The following IGSF5 variants were observed in gnomAD, a reference collection of about 807,000 sequenced individuals.
The protein encoded by IGSF5 is immunoglobulin superfamily member 5, also known as immunoglobulin superfamily 5 like.
IGSF5 carries 41 observed loss-of-function variants against 39.4 expected under a neutral mutation model. That is an observed-to-expected ratio of 1.04 (90% CI 0.81 to 1.35). The LOEUF (loss-of-function observed/expected upper bound fraction) is 1.35. Among genes scored for constraint, IGSF5 ranks in the 40% most tolerant of loss-of-function variants. The pLI is 0.00. For synonymous variants in IGSF5, 183 were observed against 175.3 expected (o/e 1.04, Z -0.34); for missense variants, 487 against 494.6 (o/e 0.98, Z 0.15).
chr21:39,787,196 C>G (rs547773310), intron 5 of IGSF5, among the ~76,000 whole-genome samples: 1 of 152,116 alleles, frequency 6.6e-6, no homozygotes, highest in Middle Eastern at 3.2e-3. Flanking sequence ...ACGCTGGTGG[C>G]GTTGGAGGCA....
chr21:39,746,094 A>T, intron 1 of IGSF5, 122 bp from the exon 2 acceptor site: 1 of 677,534 alleles, frequency 1.5e-6, no homozygotes, highest in Non-Finnish European at 2.7e-6. Flanking sequence ...ATGGGAGAGA[A>T]CCATGGAAGC....
chr21:39,779,353 T>C, intron 5 of IGSF5, 48 bp downstream of exon 5: 11 of 1,588,486 alleles, frequency 6.9e-6, no homozygotes, highest in Non-Finnish European at 9.4e-6. Context: ...GAACTTTTGG[T>C]ACAAGCAGTT....
chr21:39,735,038 AT>A, the IGSF5 span, among the ~76,000 whole-genome samples: 1 of 151,746 alleles, frequency 6.6e-6, no homozygotes, highest in African/African-American at 2.4e-5. Context: ...TAATTTTTGT[AT>A]TTTTAGTAGA....
chr21:39,780,764 G>A (rs565475703), intron 5 of IGSF5, among the ~76,000 whole-genome samples: 13 of 152,302 alleles, frequency 8.5e-5, no homozygotes, highest in South Asian at 2.1e-4. Flanking sequence ...TGGGCTTGTC[G>A]TAGCATTAGG....
chr21:39,761,737 T>C (rs959503630), intron 2 of IGSF5, among the ~76,000 whole-genome samples: 1 of 152,198 alleles, frequency 6.6e-6, no homozygotes, highest in Non-Finnish European at 1.5e-5. Context: ...GGTGTAGTCA[T>C]AGCTTGCGGC....
rs2080085144 is a variant in IGSF5 at position 39,765,863 on chromosome 21, A to G, written c.418+11A>G. On this transcript the variant is annotated intron_variant, in intron 3 of 8. Coordinates refer to ENST00000380588, the MANE Select transcript of IGSF5 (RefSeq NM_001080444.2). ...ACCTTACCGTCCAAGGTGTGTATGC[A>G]GGTGGCTTCTGAAGTCCATCAGGTT... 2 of 1,603,670 alleles carry G rather than the reference A, an allele frequency of 1.2e-6. No individual in the cohort carries two copies. The highest frequency in any genetic ancestry group is 2.2e-5 in the South Asian group (2 of 90,480).
chr21:39,757,282 C>T (rs1186971971), intron 2 of IGSF5, among the ~76,000 whole-genome samples: 1 of 122,630 alleles, frequency 8.2e-6, no homozygotes, highest in Non-Finnish European at 1.8e-5. Context: ...GTTGCCTTTC[C>T]TTTTGAGAAT....
At chr21:39,733,931 C>T in the IGSF5 span, among the ~76,000 whole-genome samples, 5,033 of 152,230 alleles carry the variant, frequency 0.033, 292 homozygotes, top group African/African-American at 0.12. Flanking sequence ...TCAGTCATAT[C>T]GAATTCGGGC....
chr21:39,741,579 C>A (rs745571701), upstream of IGSF5, among the ~76,000 whole-genome samples: 11 of 152,202 alleles, frequency 7.2e-5, no homozygotes, highest in Non-Finnish European at 1.6e-4. Flanking sequence ...ATCATCCATG[C>A]ACTGAAGGAC....
At chr21:39,748,941 G>T (rs1470495491) in intron 2 of IGSF5, among the ~76,000 whole-genome samples, 1 of 152,094 alleles carries the variant, frequency 6.6e-6, no homozygotes, top group Non-Finnish European at 1.5e-5. Context: ...ACAAGTGTCT[G>T]GTTATTGTAT....
chr21:39,755,137 G>A (rs2837159), intron 2 of IGSF5, among the ~76,000 whole-genome samples: 124,191 of 152,046 alleles, frequency 0.82, 50,896 homozygotes, highest in Admixed American at 0.86. Context: ...TTGCTGTGTC[G>A]TTTTCTGTAA....
chr21:39,787,422 A>AGCTTTG (rs2086928921), intron 5 of IGSF5, among the ~76,000 whole-genome samples: 1 of 152,186 alleles, frequency 6.6e-6, no homozygotes, highest in Non-Finnish European at 1.5e-5. Context: ...GGTTGTAAAG[A>AGCTTTG]TCACAGGCTT....
chr21:39,751,657 G>A (rs1413086156), intron 2 of IGSF5, among the ~76,000 whole-genome samples: 1 of 152,140 alleles, frequency 6.6e-6, no homozygotes, highest in Non-Finnish European at 1.5e-5. Context: ...TTAATAGAAA[G>A]TTTTTAAAAA....
chr21:39,751,935 T>G (rs1014120968), intron 2 of IGSF5, among the ~76,000 whole-genome samples: 4 of 152,182 alleles, frequency 2.6e-5, no homozygotes, highest in Non-Finnish European at 5.9e-5. Flanking sequence ...CAGCACCTTT[T>G]TATTGAGCCG....
intron 8 of IGSF5, among the ~76,000 whole-genome samples, chr21:39,794,371 C>G (rs574729124): frequency 6.3e-4 from 96 of 152,160 alleles, no homozygotes; most frequent in Non-Finnish European, 1.3e-3. Flanking sequence ...TCTGCAGTTC[C>G]AGGGAGAGGT....
chr21:39,719,887 G>A, the IGSF5 span, among the ~76,000 whole-genome samples: 4 of 152,192 alleles, frequency 2.6e-5, no homozygotes, highest in African/African-American at 9.7e-5. Context: ...TGGGCCAAGC[G>A]TTATTCTCAT....
At chr21:39,730,482 G>C in the IGSF5 span, 3 of 152,180 alleles carry the variant, frequency 2.0e-5, no homozygotes, top group African/African-American at 7.2e-5. Flanking sequence ...CAGCTTGCTT[G>C]ATGGATATTC....
upstream of IGSF5, among the ~76,000 whole-genome samples, chr21:39,740,498 TCTC>T (rs1416588835): frequency 6.6e-6 from 1 of 152,164 alleles, no homozygotes; most frequent in African/African-American, 2.4e-5. Context: ...CCTTTTTCCT[TCTC>T]CTAATTCTAG....
At chr21:39,766,144 A>C (rs945370564) in intron 3 of IGSF5, among the ~76,000 whole-genome samples, 3 of 151,842 alleles carry the variant, frequency 2.0e-5, no homozygotes, top group African/African-American at 7.3e-5. Context: ...ACTAATGTTT[A>C]TTGTTTCGTT....
Sources: allele counts gnomAD v4.1 joint callset (sites outside exome capture counted in the v4.1 genomes callset), GRCh38; gene constraint gnomAD v4.1.1; transcripts MANE v1.5; gene names NCBI Gene and HGNC (gene_info 2026-07-23, HGNC 2026-07-21).